Variants in PCDH9 observed in about 807,000 individuals in gnomAD.
PCDH9 encodes the protein protocadherin 9, also known as protocadherin-9.
A neutral mutation model predicts 70.6 loss-of-function variants in PCDH9; 24 were observed. The observed-to-expected ratio is 0.34, with a 90% confidence interval of 0.25 to 0.48. PCDH9 has a LOEUF of 0.48. PCDH9 is among the 20% of genes least tolerant of loss of function. The probability of loss-of-function intolerance (pLI) is 0.99; values close to 1 mark genes in which losing one functional copy is unlikely to be tolerated. For missense variants in PCDH9, 1,281 were observed against 1,503.6 expected, an observed-to-expected ratio of 0.85 and a Z score of 2.45; for synonymous variants, 562 against 558.5, an observed-to-expected ratio of 1.01 and a Z score of -0.09.
chr13:66,884,350 T>C (rs2081972040), intron 3 of PCDH9, among the ~76,000 whole-genome samples: 1 of 152,064 alleles, frequency 6.6e-6, no homozygotes, highest in Non-Finnish European at 1.5e-5. Context: ...TGCAATATAG[T>C]AATTAGCACA....
Position 66,416,412 on chromosome 13 carries a change from G to A in PCDH9, c.3341-111384C>T, listed in dbSNP as rs1957461890. Among the ~76,000 whole-genome samples, 5 of 151,804 alleles carry A rather than the reference G, an allele frequency of 3.3e-5. No homozygotes were observed. In the South Asian group the frequency reaches 8.3e-4, roughly 25 times the overall value. On this transcript the variant is annotated intron_variant, in intron 4 of 4. Coordinates refer to ENST00000377865, the MANE Select transcript of PCDH9 (RefSeq NM_203487.3). ...GATCATATCTAGGACCCCAACAGCC[G>A]ACCATATGGGCAGTAGACTTCAAGA...
At chr13:66,945,969 T>C (rs891267433) in intron 2 of PCDH9, among the ~76,000 whole-genome samples, 4 of 152,152 alleles carry the variant, frequency 2.6e-5, no homozygotes, top group Non-Finnish European at 5.9e-5. Flanking sequence ...ATAATATATA[T>C]AAAAACCTCT....
intron 2 of PCDH9, among the ~76,000 whole-genome samples, chr13:66,935,422 T>C (rs1004500055): frequency 2.0e-5 from 3 of 152,170 alleles, no homozygotes; most frequent in African/African-American, 7.2e-5. Context: ...GTACTGAGTT[T>C]AACGCAAGGG....
At chr13:66,974,776 G>T (rs1421093210) in intron 2 of PCDH9, among the ~76,000 whole-genome samples, 5 of 152,014 alleles carry the variant, frequency 3.3e-5, no homozygotes, top group African/African-American at 4.8e-5. Context: ...CAGAATTTCA[G>T]TTCTTAGGCC....
intron 3 of PCDH9, among the ~76,000 whole-genome samples, chr13:66,842,077 A>T (rs1484968145): frequency 6.6e-6 from 1 of 152,196 alleles, no homozygotes; most frequent in Non-Finnish European, 1.5e-5. Flanking sequence ...TTTAATAGGA[A>T]TATTAGCATA....
chr13:66,309,788 C>T (rs1232078256), intron 4 of PCDH9, among the ~76,000 whole-genome samples: 1 of 151,334 alleles, frequency 6.6e-6, no homozygotes, highest in Non-Finnish European at 1.5e-5. Context: ...TAGATGTTTT[C>T]AGATTTTGTT....
At chr13:66,595,774 A>G (rs2077095106) in intron 4 of PCDH9, among the ~76,000 whole-genome samples, 1 of 151,644 alleles carries the variant, frequency 6.6e-6, no homozygotes, top group African/African-American at 2.4e-5. Flanking sequence ...TGCATACAAT[A>G]TATTAACGTA....
At chr13:66,893,954 G>T (rs2082135442) in intron 3 of PCDH9, among the ~76,000 whole-genome samples, 1 of 151,916 alleles carries the variant, frequency 6.6e-6, no homozygotes, top group Non-Finnish European at 1.5e-5. Context: ...TTTAAACTGT[G>T]TCTTTAGTCC....
At chr13:66,963,694 C>T (rs2083386139) in intron 2 of PCDH9, among the ~76,000 whole-genome samples, 1 of 152,092 alleles carries the variant, frequency 6.6e-6, no homozygotes, top group Non-Finnish European at 1.5e-5. Flanking sequence ...GCAAAAGCTA[C>T]AAAGACAGGA....
At chr13:66,418,763 A>G (rs756008086) in intron 4 of PCDH9, among the ~76,000 whole-genome samples, 15 of 152,176 alleles carry the variant, frequency 9.9e-5, no homozygotes, top group Non-Finnish European at 2.1e-4. Context: ...GGAGATAGAG[A>G]CACAAAAAGA....
chr13:66,661,862 T>C lies in PCDH9; in HGVS notation c.3139-30451A>G, dbSNP rs553230762. Among the ~76,000 whole-genome samples, 5 of 152,314 alleles carry C rather than the reference T, an allele frequency of 3.3e-5. No individual in the cohort carries two copies. The East Asian group carries it at 7.7e-4, about 24-fold the overall frequency. The stretch of plus-strand genomic sequence containing the variant: ...TTATAATCAAAAAGTTCTGGAGTTA[T>C]AATATCATAGCCTTTGGGCCTTATT... On this transcript the variant is annotated intron_variant, in intron 3 of 4. Transcript: ENST00000377865.
intron 2 of PCDH9, among the ~76,000 whole-genome samples, chr13:67,112,886 T>A (rs986935917): frequency 6.6e-6 from 1 of 151,004 alleles, no homozygotes; most frequent in African/African-American, 2.5e-5. Context: ...ACCTGGCTAA[T>A]TTTTTGTAAT....
At chr13:66,717,803 A>C (rs1202502824) in intron 3 of PCDH9, among the ~76,000 whole-genome samples, 2 of 152,066 alleles carry the variant, frequency 1.3e-5, no homozygotes, top group Non-Finnish European at 2.9e-5. Flanking sequence ...TCAGAACAGA[A>C]CTTCCTAAAT....
chr13:66,646,817 T>A (rs1287859562), intron 3 of PCDH9, among the ~76,000 whole-genome samples: 1 of 152,136 alleles, frequency 6.6e-6, no homozygotes, highest in Non-Finnish European at 1.5e-5. Context: ...GAAAAGAAAC[T>A]CTTGAATTGC....
At chr13:67,074,198 G>C (rs1425412602) in intron 2 of PCDH9, among the ~76,000 whole-genome samples, 2 of 151,992 alleles carry the variant, frequency 1.3e-5, no homozygotes, top group Non-Finnish European at 2.9e-5. Flanking sequence ...CTTCCTCAAG[G>C]TAATGGTATT....
chr13:66,398,208 A>T (rs1196501097), intron 4 of PCDH9, among the ~76,000 whole-genome samples: 4 of 152,146 alleles, frequency 2.6e-5, no homozygotes, highest in Non-Finnish European at 5.9e-5. Context: ...TTAAGAAAGT[A>T]TCTTTATAAA....
intron 3 of PCDH9, among the ~76,000 whole-genome samples, chr13:66,831,925 C>T (rs1195394289): frequency 6.6e-6 from 1 of 152,106 alleles, no homozygotes; most frequent in East Asian, 1.9e-4. Context: ...AAAATGTCTG[C>T]ATAATTCCTT....
chr13:67,184,170 T>C (rs2138492888), intron 2 of PCDH9, among the ~76,000 whole-genome samples: 1 of 152,294 alleles, frequency 6.6e-6, no homozygotes, highest in African/African-American at 2.4e-5. Flanking sequence ...AGTAAAAATG[T>C]AGGTTATAAC....
intron 2 of PCDH9, among the ~76,000 whole-genome samples, chr13:67,075,115 C>T (rs2085852672): frequency 6.6e-6 from 1 of 151,592 alleles, no homozygotes; most frequent in South Asian, 2.1e-4. Context: ...AAATAAAATG[C>T]TTAGAAGCAG....
Sources: allele counts gnomAD v4.1 joint callset (sites outside exome capture counted in the v4.1 genomes callset), GRCh38; gene constraint gnomAD v4.1.1; transcripts MANE v1.5; gene names NCBI Gene and HGNC (gene_info 2026-07-23, HGNC 2026-07-21).